The following KCNH8 variants were observed in gnomAD, a reference collection of about 807,000 sequenced individuals.
KCNH8 encodes potassium voltage-gated channel subfamily H member 8.
Under a neutral mutation model 103.6 loss-of-function variants are expected in KCNH8, and 70 were observed. That is an observed-to-expected ratio of 0.68 (90% CI 0.56 to 0.82). The LOEUF is 0.82. Ranked by LOEUF, KCNH8 falls within the 40% of genes least tolerant of loss-of-function variation. The pLI is 0.00. For missense variants in KCNH8, 1,217 were observed against 1,329.9 expected (o/e 0.92, Z 1.32); for synonymous variants, 498 against 489.4 (o/e 1.02, Z -0.23).
intron 3 of KCNH8, among the ~76,000 whole-genome samples, chr3:19,340,345 AT>A (rs143924691): frequency 0.12 from 17,161 of 144,878 alleles, 1,140 homozygotes; most frequent in East Asian, 0.18. Flanking sequence ...TATTTTTTTT[AT>A]TTTTTTTTTA....
chr3:19,158,087 A>G (rs1575402228), intron 1 of KCNH8, among the ~76,000 whole-genome samples: 1 of 151,428 alleles, frequency 6.6e-6, no homozygotes, highest in African/African-American at 2.4e-5. Context: ...ATGTTCTACT[A>G]TAGTTTTATT....
At chr3:19,339,119 C>T (rs143585619) in intron 3 of KCNH8, among the ~76,000 whole-genome samples, 1 of 152,162 alleles carries the variant, frequency 6.6e-6, no homozygotes, top group African/African-American at 2.4e-5. Flanking sequence ...AATATTTTCA[C>T]AGAAAACTTT....
chr3:19,249,928 A>G (rs530370243), intron 1 of KCNH8, among the ~76,000 whole-genome samples: 3 of 152,272 alleles, frequency 2.0e-5, no homozygotes, highest in Admixed American at 6.5e-5. Flanking sequence ...GGGGTATCCT[A>G]TATTTCCTAA....
chr3:19,485,204 G>C (rs1271484659), intron 11 of KCNH8, among the ~76,000 whole-genome samples: 1 of 152,164 alleles, frequency 6.6e-6, no homozygotes, highest in East Asian at 1.9e-4. Flanking sequence ...TAAGATCTCA[G>C]AGAAGCACAC....
chr3:19,277,755 A>G (rs900876648), intron 2 of KCNH8, among the ~76,000 whole-genome samples: 5 of 152,176 alleles, frequency 3.3e-5, no homozygotes, highest in African/African-American at 9.7e-5. Context: ...ATTTTTCCAT[A>G]TAAGGTAAAA....
intron 3 of KCNH8, among the ~76,000 whole-genome samples, chr3:19,332,932 A>G (rs1407143338): frequency 6.6e-6 from 1 of 152,154 alleles, no homozygotes; most frequent in Non-Finnish European, 1.5e-5. Context: ...TGAGCCCGGC[A>G]TAGAGTGACT....
intron 2 of KCNH8, among the ~76,000 whole-genome samples, chr3:19,254,538 A>C (rs2064323124): frequency 1.3e-5 from 2 of 152,102 alleles, no homozygotes; most frequent in Non-Finnish European, 2.9e-5. Flanking sequence ...TTTTGAATCA[A>C]AGAGGATCTA....
chr3:19,484,260 G>C (rs2068155559), intron 11 of KCNH8, among the ~76,000 whole-genome samples: 1 of 152,110 alleles, frequency 6.6e-6, no homozygotes, highest in Non-Finnish European at 1.5e-5. Flanking sequence ...ACCTTGTACT[G>C]AGTGTCATTA....
At chr3:19,376,492 A>G (rs2066207415) in intron 5 of KCNH8, among the ~76,000 whole-genome samples, 2 of 152,066 alleles carry the variant, frequency 1.3e-5, no homozygotes, top group African/African-American at 2.4e-5. Context: ...ACCTGTGCCC[A>G]CTGTCTGGCA....
intron 1 of KCNH8, among the ~76,000 whole-genome samples, chr3:19,210,519 T>C (rs1397703132): frequency 6.6e-6 from 1 of 152,102 alleles, no homozygotes; most frequent in Non-Finnish European, 1.5e-5. Flanking sequence ...TTCATTTTCA[T>C]ATTTTATCTT....
chr3:19,176,140 G>C (rs186471883), intron 1 of KCNH8, among the ~76,000 whole-genome samples: 1 of 152,014 alleles, frequency 6.6e-6, no homozygotes, highest in Non-Finnish European at 1.5e-5. Flanking sequence ...TTCACCTCTC[G>C]TCCTTTAATA....
intron 11 of KCNH8, among the ~76,000 whole-genome samples, chr3:19,478,071 T>C (rs1466207180): frequency 6.6e-6 from 1 of 152,162 alleles, no homozygotes; most frequent in Non-Finnish European, 1.5e-5. Flanking sequence ...GTTACACCCA[T>C]GTTACTGCAG....
chr3:19,223,286 GT>G (rs1207071798), intron 1 of KCNH8, among the ~76,000 whole-genome samples: 1 of 152,052 alleles, frequency 6.6e-6, no homozygotes, highest in Non-Finnish European at 1.5e-5. Context: ...TTTGCATATG[GT>G]CAAAATTACC....
intron 11 of KCNH8, among the ~76,000 whole-genome samples, chr3:19,477,528 C>T (rs967856672): frequency 5.3e-5 from 8 of 151,654 alleles, no homozygotes; most frequent in African/African-American, 1.9e-4. Context: ...GCTCCAAATG[C>T]TTTCTCTCTG....
intron 11 of KCNH8, among the ~76,000 whole-genome samples, chr3:19,466,920 C>T (rs1559340974): frequency 6.6e-6 from 1 of 152,008 alleles, no homozygotes; most frequent in African/African-American, 2.4e-5. Context: ...CTCAGCTTCC[C>T]AAAGTACTGG....
At chr3:19,209,512 G>A (rs2063748861) in intron 1 of KCNH8, among the ~76,000 whole-genome samples, 1 of 152,000 alleles carries the variant, frequency 6.6e-6, no homozygotes. Flanking sequence ...GATTTTCGTA[G>A]GGTTTCTAAC....
intron 11 of KCNH8, among the ~76,000 whole-genome samples, chr3:19,474,998 A>C (rs1184479814): frequency 6.6e-6 from 1 of 152,218 alleles, no homozygotes; most frequent in African/African-American, 2.4e-5. Flanking sequence ...TATTAGACTC[A>C]ATACACATAC....
At chr3:19,503,031 G>A (rs1209338600) in intron 11 of KCNH8, among the ~76,000 whole-genome samples, 29 of 151,744 alleles carry the variant, frequency 1.9e-4, no homozygotes, top group Non-Finnish European at 3.2e-4. Context: ...GTACTCATCT[G>A]ACAAAGGGCT....
intron 11 of KCNH8, among the ~76,000 whole-genome samples, chr3:19,500,812 C>G (rs147354643): frequency 6.6e-6 from 1 of 151,970 alleles, no homozygotes; most frequent in East Asian, 1.9e-4. Context: ...GCACTAAATG[C>G]CCACAAGAGA....
Sources: allele counts gnomAD v4.1 joint callset (sites outside exome capture counted in the v4.1 genomes callset), GRCh38; gene constraint gnomAD v4.1.1; transcripts MANE v1.5; gene names NCBI Gene and HGNC (gene_info 2026-07-23, HGNC 2026-07-21).